The following GNRHR variants were observed in gnomAD, a reference collection of about 807,000 sequenced individuals.
GNRHR encodes gonadotropin releasing hormone receptor, also known as gonadotropin-releasing hormone receptor.
A neutral mutation model predicts 28.1 loss-of-function variants in GNRHR; 14 were observed. The observed-to-expected ratio is 0.50, with a 90% CI of 0.33 to 0.78. The LOEUF (loss-of-function observed/expected upper bound fraction) is 0.78. Ranked by LOEUF, GNRHR falls within the 30% of genes least tolerant of loss-of-function variation. GNRHR has a pLI of 0.02. For synonymous variants in GNRHR, 141 were observed against 140.5 expected (o/e 1.00, Z -0.02); for missense variants, 366 against 382.1 (o/e 0.96, Z 0.35).
At chr4:67,749,289 G>A (rs140545848) in intron 1 of GNRHR, among the ~76,000 whole-genome samples, 172 of 152,190 alleles carry the variant, frequency 1.1e-3, no homozygotes, top group African/African-American at 4.1e-3. Flanking sequence ...AAGGACTAAG[G>A]AGTGGCCCAC....
chr4:67,750,537 T>A (rs1038772517), intron 1 of GNRHR, among the ~76,000 whole-genome samples: 2 of 152,148 alleles, frequency 1.3e-5, no homozygotes, highest in Non-Finnish European at 2.9e-5. Flanking sequence ...ATGCTAAAAC[T>A]TCTGAGAATG....
chr4:67,749,977 C>T (rs1325110190), intron 1 of GNRHR, among the ~76,000 whole-genome samples: 4 of 151,780 alleles, frequency 2.6e-5, no homozygotes, highest in Non-Finnish European at 5.9e-5. Flanking sequence ...ACTTCAAAAC[C>T]TCTTTTATGA....
At chr4:67,744,975 A>G (rs1007879384) in intron 1 of GNRHR, among the ~76,000 whole-genome samples, 188 bp from the exon 2 acceptor site, 4 of 152,164 alleles carry the variant, frequency 2.6e-5, no homozygotes, top group African/African-American at 9.7e-5. Context: ...GTAAGTGTCA[A>G]TAGATCTGTA....
intron 1 of GNRHR, among the ~76,000 whole-genome samples, chr4:67,748,918 T>G (rs1481638713): frequency 6.6e-6 from 1 of 152,016 alleles, no homozygotes; most frequent in Non-Finnish European, 1.5e-5. Context: ...AAGATAATGA[T>G]TGTGCATAAT....
At position 67,740,265 on chromosome 4, in the gene GNRHR, C is replaced by A. The variant is rs1362659132; in HGVS notation, c.*215G>T. The A allele has an allele frequency of 3.9e-6, 2 of 512,676 alleles. No homozygotes were observed. Among genetic ancestry groups the A allele is most frequent in the African/African-American group, 1.9e-5 (1 of 52,268 alleles). 31.8% of individuals were successfully genotyped at this position (512,676 alleles called of 1,614,324 possible). A position where few individuals can be genotyped will look rare whatever the true frequency, so the allele number is the denominator to read the frequency against. On this transcript the variant is annotated 3_prime_UTR_variant, in exon 3 of 3. Coordinates refer to ENST00000226413, the MANE Select transcript of GNRHR (RefSeq NM_000406.3). ...GAAAAGGCAGAGATTAATTTAGAAG[C>A]TTATGAGGAAGAGAAAATATTTTAG...
chr4:67,740,393 A>C lies in GNRHR; in HGVS notation c.*87T>G, dbSNP rs1375437061. ...AATCCTACTTTGTTTGTATGTAAAC[A>C]TGCTCCAACATTTGTGTTAATCATT... On this transcript the variant is annotated 3_prime_UTR_variant, in exon 3 of 3. Transcript: ENST00000226413. 14 of 1,002,348 alleles carry C rather than the reference A, an allele frequency of 1.4e-5. No individual in the cohort carries two copies. The highest frequency in any genetic ancestry group is 2.6e-5 in the South Asian group (2 of 77,044). The allele number at this position is 1,002,348 out of a possible 1,614,324, so 62.1% of individuals were successfully genotyped here. A position where few individuals can be genotyped will look rare whatever the true frequency, so the allele number is the denominator to read the frequency against.
At chr4:67,742,383 C>G (rs1271061942) in intron 2 of GNRHR, among the ~76,000 whole-genome samples, 1 of 152,166 alleles carries the variant, frequency 6.6e-6, no homozygotes, top group Admixed American at 6.5e-5. Context: ...CACTGAGTAT[C>G]TCTGCCACTA....
At position 67,740,748 on chromosome 4, in the gene GNRHR, G is replaced by A. The variant is rs575491229; in HGVS notation, c.743-24C>T. 3.7e-6 allele frequency: 6 copies of A among 1,600,030 alleles called. No individual in the cohort carries two copies. The East Asian group carries it at 8.9e-5, about 24-fold the overall frequency. ...TTCTGTTGGATAGAGAAAAGAGCAG[G>A]TGTTTAAAGATCAGTTTTCTTACAA... On this transcript the variant is annotated intron_variant, in intron 2 of 2. Coordinates refer to ENST00000226413, the MANE Select transcript of GNRHR (RefSeq NM_000406.3).
rs1421977350 is a variant in GNRHR, at chr4:67,738,507, A to G, written c.*1973T>C. 6.6e-6 allele frequency among the ~76,000 whole-genome samples: 1 copy of G among 151,900 alleles called. No individual in the cohort carries two copies. Among genetic ancestry groups the G allele is most frequent in the Non-Finnish European group, 1.5e-5 (1 of 67,838 alleles). On this transcript the variant is annotated 3_prime_UTR_variant, in exon 3 of 3. Transcript: ENST00000226413. ...CAGAGAGATCCATAATGAGCACACA[A>G]GAAGAACCAAGCTGAGATACATTCG...
chr4:67,749,203 G>A (rs947195394), intron 1 of GNRHR, among the ~76,000 whole-genome samples: 7 of 152,206 alleles, frequency 4.6e-5, no homozygotes, highest in Middle Eastern at 3.4e-3. Flanking sequence ...AATGTCAGTA[G>A]TGCATTCTAC....
At chr4:67,750,968 T>C (rs1415474160) in intron 1 of GNRHR, among the ~76,000 whole-genome samples, 1 of 152,146 alleles carries the variant, frequency 6.6e-6, no homozygotes, top group Non-Finnish European at 1.5e-5. Context: ...GGGATTGAAA[T>C]TTCTTTTATT....
chr4:67,744,727 G>A lies in GNRHR; in HGVS notation c.583C>T (p.Gln195Ter), dbSNP rs1305185252. 1.9e-6 allele frequency: 3 copies of A among 1,611,430 alleles called. No individual in the cohort carries two copies. Among genetic ancestry groups the A allele is most frequent in the East Asian group, 4.5e-5 (2 of 44,884 alleles). The change falls in exon 2 of 3, where the codon CAA becomes TAA. Residue 195 changes from glutamine to a stop codon, truncating the protein, a stop_gained. Transcript: ENST00000226413. LOFTEE classifies it high-confidence loss of function. ...GAAAAACTGCAGTGTGTTACACATTGAGAGAAAACTTTTGTCTGTCCAGAG... is the reference window on the plus strand; with the variant it reads ...GAAAAACTGCAGTGTGTTACACATTAAGAGAAAACTTTTGTCTGTCCAGAG... ...DSSGQTKVFS[Q>*]CVTHCSFSQW... is the part of the protein sequence containing the mutation.
chr4:67,748,302 T>G (rs188125148), intron 1 of GNRHR, among the ~76,000 whole-genome samples: 140 of 152,220 alleles, frequency 9.2e-4, no homozygotes, highest in Non-Finnish European at 1.6e-3. Context: ...AATAGTAATA[T>G]CTACCTCTAA....
chr4:67,751,507 A>T (rs541391562), intron 1 of GNRHR, among the ~76,000 whole-genome samples: 8 of 152,328 alleles, frequency 5.3e-5, no homozygotes, highest in African/African-American at 1.9e-4. Context: ...AAATCTCTCT[A>T]GTAATGTATT....
chr4:67,744,550 A>G lies in GNRHR; in HGVS notation c.742+18T>C. On this transcript the variant is annotated intron_variant, in intron 2 of 2. Transcript: ENST00000226413. ...TAAAAACTGCCCACAAATGACACTA[A>G]CTCTAAGGAATACATACCGTGGGGG... The G allele has an allele frequency of 7.0e-7, 1 of 1,437,158 alleles. No homozygotes were observed. The highest frequency in any genetic ancestry group is 9.8e-7 in the Non-Finnish European group (1 of 1,018,400). 89.0% of individuals were successfully genotyped at this position (1,437,158 alleles called of 1,614,324 possible). A position where few individuals can be genotyped will look rare whatever the true frequency, so the allele number is the denominator to read the frequency against.
rs35400155 is a variant in GNRHR at position 67,754,192 on chromosome 4, G to A, written c.144C>T (p.Leu48=). 6.2e-7 allele frequency: 1 copy of A among 1,614,130 alleles called. No homozygotes were observed. The highest frequency in any genetic ancestry group is 8.5e-7 in the Non-Finnish European group (1 of 1,179,976). Residue 48 remains leucine, a synonymous_variant, in exon 1 of 3, where the codon CTC becomes CTT. Coordinates refer to ENST00000226413, the MANE Select transcript of GNRHR (RefSeq NM_000406.3). ...RVTVTFFLFL[L]SATFNASFLL... ...AGAAAGAAGCATTAAAGGTCGCAGAGAGCAGAAAAAGGAAGAAAGTAACCG... is the reference window on the plus strand; with the variant it reads ...AGAAAGAAGCATTAAAGGTCGCAGAAAGCAGAAAAAGGAAGAAAGTAACCG...
chr4:67,743,285 A>T (rs1731696152), intron 2 of GNRHR, among the ~76,000 whole-genome samples: 1 of 152,152 alleles, frequency 6.6e-6, no homozygotes, highest in African/African-American at 2.4e-5. Flanking sequence ...CAATATCTGT[A>T]AACTTTGGTG....
rs1213801200 is a variant in GNRHR at position 67,753,846 on chromosome 4, A to C, written c.490T>G (p.Trp164Gly). The C allele has an allele frequency of 1.2e-6, 2 of 1,613,580 alleles. No individual in the cohort carries two copies. Among genetic ancestry groups the C allele is most frequent in the African/African-American group, 2.7e-5 (2 of 74,940 alleles). ...CCTGCAAAGACACTACTGAGGATCCAGGCCAGGCCAACCATGGACTGTCCG... is the reference window on the plus strand; with the variant it reads ...CCTGCAAAGACACTACTGAGGATCCCGGCCAGGCCAACCATGGACTGTCCG... ...KVGQSMVGLA[W>G]ILSSVFAGPQ... The change falls in exon 1 of 3, where the codon TGG becomes GGG. Residue 164 changes from tryptophan to glycine, a missense_variant. Transcript: ENST00000226413.
At position 67,753,815 on chromosome 4, in the gene GNRHR, T is replaced by A. The variant is rs557311093; in HGVS notation, c.521A>T (p.Gln174Leu). ...WILSSVFAGP[Q>L]LYIFRMIHLA... ...ATAAGTTTGTGTATAATGGCTTACCTGTGGTCCTGCAAAGACACTACTGAG... is the reference window on the plus strand; with the variant it reads ...ATAAGTTTGTGTATAATGGCTTACCAGTGGTCCTGCAAAGACACTACTGAG... The change falls in exon 1 of 3, where the codon CAG becomes CTG. Residue 174 changes from glutamine to leucine, a missense_variant and splice_region_variant. Coordinates refer to ENST00000226413, the MANE Select transcript of GNRHR (RefSeq NM_000406.3). The A allele has an allele frequency of 6.2e-7, 1 of 1,611,230 alleles. No individual in the cohort carries two copies. Among genetic ancestry groups the A allele is most frequent in the South Asian group, 1.1e-5 (1 of 90,874 alleles).
Sources: gnomAD v4.1 joint callset for allele counts (sites outside exome capture counted in the v4.1 genomes callset) on GRCh38, gnomAD v4.1.1 for gene constraint, MANE v1.5 for transcripts, NCBI Gene and HGNC (gene_info 2026-07-23, HGNC 2026-07-21) for gene names.